Variants in CIT observed in about 807,000 individuals in gnomAD.
CIT encodes citron rho-interacting serine/threonine kinase, also known as citron Rho-interacting kinase.
A neutral mutation model predicts 272.7 loss-of-function variants in CIT; 79 were observed. The ratio of observed to expected loss-of-function variants is 0.29; its 90% CI spans 0.24 to 0.35. CIT has a LOEUF of 0.35. Among genes scored for constraint, CIT ranks in the 10% least tolerant of loss-of-function variants. The pLI is 1.00. For synonymous variants in CIT, 948 were observed against 995.6 expected, an observed-to-expected ratio of 0.95 and a Z score of 0.90; for missense variants, 1,909 against 2,618.3, an observed-to-expected ratio of 0.73 and a Z score of 5.91.
chr12:119,689,862 G>A (rs1249474603), intron 47 of CIT, among the ~76,000 whole-genome samples: 1 of 151,266 alleles, frequency 6.6e-6, no homozygotes, highest in Non-Finnish European at 1.5e-5. Context: ...TATTTTTTTC[G>A]TAGAGACGGG....
At chr12:119,717,414 CTTTTCTTTTT>C (rs1429595296) in intron 32 of CIT, among the ~76,000 whole-genome samples, 6 of 109,456 alleles carry the variant, frequency 5.5e-5, no homozygotes, top group African/African-American at 1.2e-4. Context: ...TTTTTCTTTT[CTTTTCTTTTT>C]TTTTTTTTTT....
chr12:119,833,629 C>G (rs1968793493), intron 6 of CIT, among the ~76,000 whole-genome samples: 1 of 140,768 alleles, frequency 7.1e-6, no homozygotes, highest in African/African-American at 2.7e-5. Context: ...GGTACCACTG[C>G]ACTCCAGCCT....
chr12:119,872,331 G>A (rs1035488926), intron 2 of CIT, among the ~76,000 whole-genome samples: 2 of 151,988 alleles, frequency 1.3e-5, no homozygotes, highest in African/African-American at 2.4e-5. Flanking sequence ...CACTGACCTC[G>A]AACATGTCAG....
intron 24 of CIT, among the ~76,000 whole-genome samples, chr12:119,736,367 A>T (rs1047143147): frequency 6.6e-6 from 1 of 151,336 alleles, no homozygotes; most frequent in African/African-American, 2.4e-5. Context: ...TCCCTATTTT[A>T]ACCCTCTTTG....
intron 5 of CIT, among the ~76,000 whole-genome samples, chr12:119,839,194 T>C (rs967467560): frequency 2.6e-5 from 4 of 152,198 alleles, no homozygotes; most frequent in Non-Finnish European, 4.4e-5. Context: ...TTTCCATCCA[T>C]TGTGTTGCAT....
At chr12:119,850,141 G>T in intron 5 of CIT, 33 bp downstream of exon 5, 2 of 1,310,812 alleles carry the variant, frequency 1.5e-6, no homozygotes, top group South Asian at 1.2e-5. Flanking sequence ...AGAGTGCTAG[G>T]CTAATTCCAG....
At chr12:119,783,804 G>T in intron 12 of CIT, 104 bp downstream of exon 12, 1 of 1,371,974 alleles carries the variant, frequency 7.3e-7, no homozygotes, top group Non-Finnish European at 9.9e-7. Flanking sequence ...TCTACTCTCT[G>T]CCATTGGCTG....
chr12:119,700,841 A>G lies in CIT; in HGVS notation c.5543-16T>C. On this transcript the variant is annotated splice_polypyrimidine_tract_variant and intron_variant, in intron 43 of 47. Transcript: ENST00000392521. ...ACTCCAAATTCTGCAAGGTGTCAAG[A>G]GCACGTGGGCATTAGCACAGCCAAG... is the stretch of plus-strand genomic sequence containing the variant. 6.8e-6 allele frequency: 11 copies of G among 1,609,530 alleles called. 1 individual carries two copies. Among genetic ancestry groups the G allele is most frequent in the African/African-American group, 5.3e-5 (4 of 74,914 alleles).
At chr12:119,711,054 C>T in intron 37 of CIT, 1 of 1,367,220 alleles carries the variant, frequency 7.3e-7, no homozygotes, top group Non-Finnish European at 9.8e-7. Flanking sequence ...TTTACCTGAA[C>T]CCAGGCAGGC....
intron 9 of CIT, among the ~76,000 whole-genome samples, chr12:119,809,152 A>G (rs1348544644): frequency 6.6e-6 from 1 of 152,198 alleles, no homozygotes; most frequent in Admixed American, 6.5e-5. Flanking sequence ...GCAATGGCCC[A>G]AGAGCATAGT....
intron 22 of CIT, among the ~76,000 whole-genome samples, chr12:119,754,862 C>G (rs1960733430): frequency 6.6e-6 from 1 of 152,120 alleles, no homozygotes; most frequent in Admixed American, 6.5e-5. Flanking sequence ...CTTTAATAGC[C>G]CAGATGAGCT....
chr12:119,851,323 G>A (rs1449837520), intron 4 of CIT, among the ~76,000 whole-genome samples: 1 of 152,232 alleles, frequency 6.6e-6, no homozygotes, highest in African/African-American at 2.4e-5. Flanking sequence ...ATATACGTAT[G>A]TGTATTCCTT....
chr12:119,747,749 A>G (rs1474306985), intron 23 of CIT, among the ~76,000 whole-genome samples: 1 of 152,216 alleles, frequency 6.6e-6, no homozygotes. Context: ...AAATTAAGAC[A>G]GATATTTTTC....
chr12:119,851,869 T>C (rs971355238), intron 4 of CIT, among the ~76,000 whole-genome samples: 6 of 152,020 alleles, frequency 3.9e-5, no homozygotes, highest in African/African-American at 1.5e-4. Flanking sequence ...AGACCCCATC[T>C]CTACAATACA....
chr12:119,736,631 T>C (rs972548863), intron 24 of CIT, among the ~76,000 whole-genome samples: 2 of 152,246 alleles, frequency 1.3e-5, no homozygotes, highest in Non-Finnish European at 2.9e-5. Context: ...GTCAGGTTCT[T>C]AGCTCAGATA....
intron 9 of CIT, among the ~76,000 whole-genome samples, chr12:119,820,163 A>G (rs937664340): frequency 6.6e-6 from 1 of 152,246 alleles, no homozygotes; most frequent in African/African-American, 2.4e-5. Context: ...GTAAAATCCA[A>G]AAAAAGTCTG....
chr12:119,838,798 G>T (rs1229638012), intron 5 of CIT, among the ~76,000 whole-genome samples: 4 of 152,198 alleles, frequency 2.6e-5, no homozygotes, highest in Admixed American at 2.0e-4. Context: ...TGAAGCCAGT[G>T]ATCTTCCCTC....
chr12:119,860,587 T>A (rs933650356), intron 3 of CIT, among the ~76,000 whole-genome samples: 5 of 152,148 alleles, frequency 3.3e-5, no homozygotes, highest in Non-Finnish European at 7.3e-5. Context: ...ATGCCTTGGA[T>A]TGTTTACAAA....
chr12:119,833,982 G>A (rs750015846), intron 6 of CIT, 104 bp downstream of exon 6: 21 of 1,214,912 alleles, frequency 1.7e-5, no homozygotes, highest in East Asian at 4.8e-5. Flanking sequence ...TGGATGGGGC[G>A]TTATCTTGAT....
Sources: allele counts gnomAD v4.1 joint callset (sites outside exome capture counted in the v4.1 genomes callset), GRCh38; gene constraint gnomAD v4.1.1; transcripts MANE v1.5; gene names NCBI Gene and HGNC (gene_info 2026-07-23, HGNC 2026-07-21).